The following FAM13A variants were observed in gnomAD, a reference collection of about 807,000 sequenced individuals.
FAM13A encodes protein FAM13A.
A neutral mutation model predicts 129.6 loss-of-function variants in FAM13A; 76 were observed. The ratio of observed to expected loss-of-function variants is 0.59; its 90% CI spans 0.49 to 0.71. The LOEUF (loss-of-function observed/expected upper bound fraction) is 0.71, where lower values mean the gene tolerates loss of function less well. FAM13A is among the 30% of genes least tolerant of loss of function. The probability of loss-of-function intolerance (pLI) is 0.00; values close to 1 mark genes in which losing one functional copy is unlikely to be tolerated. For synonymous variants in FAM13A, 443 were observed against 449.9 expected (o/e 0.98, Z 0.20); for missense variants, 1,108 against 1,249.3 (o/e 0.89, Z 1.70).
rs774779284 is a variant in FAM13A at position 88,758,762 on chromosome 4, T to A, written c.1718A>T (p.Asn573Ile). Residue 573 changes from asparagine to isoleucine, a missense_variant, in exon 14 of 24, where the codon AAC (asparagine) becomes ATC (isoleucine). Asn to Ile is a moderately radical substitution (Grantham distance 149). This residue lies in a region of FAM13A where 529 missense variants were observed against 621.2 expected (regional missense o/e 0.85). Transcript: ENST00000264344. ...SDLTALCDEK[N>I]WEEPIPAFSS... Reference sequence around the variant, plus strand: ...GTATCAGACAACCCTACCTTCCCAGTTCTTTTCATCACACAATGCAGTCAG... The same window carrying A: ...GTATCAGACAACCCTACCTTCCCAGATCTTTTCATCACACAATGCAGTCAG... 14 of 1,613,018 alleles carry A rather than the reference T, an allele frequency of 8.7e-6. No homozygotes were observed. The highest frequency in any genetic ancestry group is 1.1e-5 in the Non-Finnish European group (13 of 1,179,440).
At chr4:89,014,869 T>C (rs1453796647) in intron 3 of FAM13A, among the ~76,000 whole-genome samples, 1 of 152,198 alleles carries the variant, frequency 6.6e-6, no homozygotes, top group African/African-American at 2.4e-5. Context: ...ATAACAGCAA[T>C]GTTCAGGGAA....
intron 6 of FAM13A, among the ~76,000 whole-genome samples, chr4:88,856,552 TCTAA>T (rs984856671): frequency 3.3e-5 from 5 of 152,150 alleles, no homozygotes; most frequent in Non-Finnish European, 5.9e-5. Flanking sequence ...AAACCCAAAC[TCTAA>T]CTGTGTTCTT....
At chr4:88,752,358 T>C (rs1742796211) in intron 14 of FAM13A, among the ~76,000 whole-genome samples, 1 of 152,090 alleles carries the variant, frequency 6.6e-6, no homozygotes, top group Non-Finnish European at 1.5e-5. Flanking sequence ...TCCATAAGAG[T>C]GGCAACTTTC....
At chr4:88,731,969 A>G (rs749178003) in intron 22 of FAM13A, 33 bp downstream of exon 22, 2 of 1,554,818 alleles carry the variant, frequency 1.3e-6, no homozygotes, top group South Asian at 1.2e-5. Flanking sequence ...ATTTTTACCA[A>G]AACATTTCAC....
At chr4:89,009,033 T>C (rs1435414245) in intron 3 of FAM13A, 1 of 152,140 alleles carries the variant, frequency 6.6e-6, no homozygotes, top group Non-Finnish European at 1.5e-5. Flanking sequence ...ATTAGGTTTA[T>C]TAAAGGATCA....
chr4:88,922,360 C>A (rs1363025744), intron 5 of FAM13A, among the ~76,000 whole-genome samples: 16 of 151,904 alleles, frequency 1.1e-4, no homozygotes, highest in Non-Finnish European at 2.2e-4. Flanking sequence ...TCTCTCAGAC[C>A]ACAGTGCAAT....
intron 7 of FAM13A, among the ~76,000 whole-genome samples, chr4:88,828,268 G>A (rs1733344566): frequency 6.6e-6 from 1 of 152,072 alleles, no homozygotes. Context: ...AGCCTCCTGA[G>A]TAGCTGAGAC....
chr4:89,008,012 C>T (rs886543760), intron 3 of FAM13A, among the ~76,000 whole-genome samples: 1 of 151,884 alleles, frequency 6.6e-6, no homozygotes, highest in African/African-American at 2.4e-5. Context: ...CACAGCATTT[C>T]ATTTATTTTA....
chr4:88,968,720 A>G (rs1239337157), intron 4 of FAM13A, among the ~76,000 whole-genome samples: 1 of 151,974 alleles, frequency 6.6e-6, no homozygotes, highest in Non-Finnish European at 1.5e-5. Flanking sequence ...CCTGTTCTCC[A>G]TATCCAGCAA....
At chr4:88,839,299 T>C (rs1735394449) in intron 7 of FAM13A, among the ~76,000 whole-genome samples, 1 of 152,222 alleles carries the variant, frequency 6.6e-6, no homozygotes, top group Non-Finnish European at 1.5e-5. Flanking sequence ...AATAGCCTGT[T>C]AGCTATTCCA....
chr4:88,761,001 G>A (rs144765862), intron 13 of FAM13A, among the ~76,000 whole-genome samples: 4 of 152,116 alleles, frequency 2.6e-5, no homozygotes, highest in African/African-American at 4.8e-5. Flanking sequence ...TTTCCTTCAC[G>A]AGGAACATAC....
intron 10 of FAM13A, among the ~76,000 whole-genome samples, chr4:88,782,186 T>C (rs1723087563): frequency 6.6e-6 from 1 of 152,104 alleles, no homozygotes; most frequent in South Asian, 2.1e-4. Context: ...TAGAAGTAGA[T>C]ATGAATGTCA....
At chr4:88,936,858 T>C (rs1373361970) in intron 5 of FAM13A, 2 of 152,188 alleles carry the variant, frequency 1.3e-5, no homozygotes, top group African/African-American at 2.4e-5. Flanking sequence ...TTATGGGGTA[T>C]ATGTGATTGA....
intron 4 of FAM13A, among the ~76,000 whole-genome samples, chr4:88,980,501 T>G (rs1761514319): frequency 6.6e-6 from 1 of 152,234 alleles, no homozygotes. Context: ...ATAGGGCTAG[T>G]GCAGATTTAG....
chr4:89,031,333 C>T (rs1768655563), intron 1 of FAM13A, among the ~76,000 whole-genome samples: 1 of 152,070 alleles, frequency 6.6e-6, no homozygotes, highest in Non-Finnish European at 1.5e-5. Flanking sequence ...TAAATTTTAT[C>T]TTATTTTATC....
At chr4:88,997,345 C>T (rs1018738485) in intron 3 of FAM13A, among the ~76,000 whole-genome samples, 2 of 152,130 alleles carry the variant, frequency 1.3e-5, no homozygotes, top group African/African-American at 2.4e-5. Context: ...GTGAAAAGTG[C>T]TACTTCAAAT....
chr4:88,727,779 C>T lies in FAM13A; in HGVS notation c.*754G>A, dbSNP rs545726892. On this transcript the variant is annotated 3_prime_UTR_variant, in exon 24 of 24. Coordinates refer to ENST00000264344, the MANE Select transcript of FAM13A (RefSeq NM_014883.4). ...GAATCTCCAGGCTCTTCTCCCATGACCTGGTTTTAAAATCAGCATTCATAC... is the reference window on the plus strand; with the variant it reads ...GAATCTCCAGGCTCTTCTCCCATGATCTGGTTTTAAAATCAGCATTCATAC... 2.6e-5 allele frequency: 4 copies of T among 152,230 alleles called. No homozygotes were observed. The highest frequency in any genetic ancestry group is 4.4e-5 in the Non-Finnish European group (3 of 68,064). 9.4% of individuals were successfully genotyped at this position (152,230 alleles called of 1,614,324 possible).
At position 88,781,399 on chromosome 4, in the gene FAM13A, C is replaced by T. The variant is rs764255877; in HGVS notation, c.1272-48G>A. On this transcript the variant is annotated intron_variant, in intron 10 of 23. Transcript: ENST00000264344. ...ATTTTATTTTAAAAGATCAAATGGT[C>T]ATTGAATGATACTCTAACTACATCA... The T allele has an allele frequency of 1.4e-5, 18 of 1,319,248 alleles. No homozygotes were observed. The South Asian group carries it at 2.3e-4, about 17-fold the overall frequency. The allele number at this position is 1,319,248 out of a possible 1,614,324, so 81.7% of individuals were successfully genotyped here. A position where few individuals can be genotyped will look rare whatever the true frequency, so the allele number is the denominator to read the frequency against.
intron 6 of FAM13A, among the ~76,000 whole-genome samples, chr4:88,867,263 T>TA (rs1424173299): frequency 2.0e-5 from 3 of 152,238 alleles, no homozygotes; most frequent in African/African-American, 7.2e-5. Context: ...AAGCTTATCT[T>TA]AAACACCTGT....
Sources: gnomAD v4.1 joint callset for allele counts (sites outside exome capture counted in the v4.1 genomes callset) on GRCh38, gnomAD v4.1.1 for gene constraint, gnomAD v4.1.1 regional missense constraint, MANE v1.5 for transcripts, NCBI Gene and HGNC (gene_info 2026-07-23, HGNC 2026-07-21) for gene names.